CAMSAP2: variants seen among roughly 807,000 people sequenced by gnomAD.
The protein encoded by CAMSAP2 is calmodulin-regulated spectrin-associated protein 2.
In CAMSAP2, 26 loss-of-function variants were observed where a neutral mutation model predicts 146.1. That is an observed-to-expected ratio of 0.18 (90% CI 0.13 to 0.25). The LOEUF (loss-of-function observed/expected upper bound fraction) is 0.25. Among genes scored for constraint, CAMSAP2 ranks in the 10% least tolerant of loss-of-function variants. The pLI is 1.00. For missense variants in CAMSAP2, 1,381 were observed against 1,759.3 expected, an observed-to-expected ratio of 0.78 and a Z score of 3.85; for synonymous variants, 499 against 596.6, an observed-to-expected ratio of 0.84 and a Z score of 2.38.
chr1:200,852,774 A>G, intron 12 of CAMSAP2, 97 bp downstream of exon 12: 1 of 1,221,216 alleles, frequency 8.2e-7, no homozygotes, highest in South Asian at 1.8e-5. Flanking sequence ...GTGGTCTCTC[A>G]TTAATTTTTA....
In CAMSAP2 at chr1:200,832,218, C is replaced by T; in HGVS notation, c.664C>T (p.Gln222Ter). Residue 222 changes from glutamine to a stop codon, truncating the protein, a stop_gained, in exon 5 of 17, where the codon CAA (glutamine) becomes TAA (stop). Transcript: ENST00000358823. LOFTEE classifies it high-confidence loss of function. This position sits in a 1 kb window ranked among gnomAD's most constrained non-coding sequence, Gnocchi z 4.2. Reference sequence around the variant, plus strand: ...ATCGTAGGCTCGTTATCGGAAAGAGCAAACATTGCTTAAGCAACTGCCTTG... The same window carrying T: ...ATCGTAGGCTCGTTATCGGAAAGAGTAAACATTGCTTAAGCAACTGCCTTG... ...GGQKARYRKE[Q>*]TLLKQLPCIP... 6.2e-7 allele frequency: 1 copy of T among 1,610,268 alleles called. No individual in the cohort carries two copies. The highest frequency in any genetic ancestry group is 8.5e-7 in the Non-Finnish European group (1 of 1,178,318).
chr1:200,796,431 T>TGC (rs1403836485), intron 2 of CAMSAP2, among the ~76,000 whole-genome samples: 2 of 152,188 alleles, frequency 1.3e-5, no homozygotes, highest in Admixed American at 1.3e-4. Flanking sequence ...CTTTCACGAT[T>TGC]GCTTTGGCTG....
At chr1:200,760,775 A>G (rs1664777931) in intron 1 of CAMSAP2, 64 bp from the exon 2 acceptor site, 9 of 1,148,776 alleles carry the variant, frequency 7.8e-6, no homozygotes, top group Non-Finnish European at 1.1e-5. Flanking sequence ...AATAATTATT[A>G]ATTAAATTCT....
intron 11 of CAMSAP2, 80 bp downstream of exon 11, chr1:200,850,314 C>T: frequency 3.2e-6 from 4 of 1,255,644 alleles, no homozygotes; most frequent in Middle Eastern, 2.0e-4. Flanking sequence ...TTTCAGTTGA[C>T]ATGCTTGCTT....
rs891427830 is a variant in CAMSAP2 at position 200,840,586 on chromosome 1, C to T, written c.928-1408C>T. Among the ~76,000 whole-genome samples, 7 of 152,260 alleles carry T rather than the reference C, an allele frequency of 4.6e-5. No homozygotes were observed. In the East Asian group the frequency reaches 1.3e-3, roughly 29 times the overall value. On this transcript the variant is annotated intron_variant, in intron 6 of 16. Transcript: ENST00000358823. ...GCCTCTTTTCTTCACTTTCTACATA[C>T]ACGATAGCCTTCCAGAACTATCAGA...
rs1667551055 is a variant in CAMSAP2 at position 200,849,286 on chromosome 1, G to C, written c.2517G>C (p.Glu839Asp). 1 of 1,614,004 alleles carries C rather than the reference G, an allele frequency of 6.2e-7. No homozygotes were observed. Reference sequence around the variant, plus strand: ...GCAAGTCACTGGCAGATATAAAAGAGAGCATGGAGAATCCTCAAGCCAAAT... The same window carrying C: ...GCAAGTCACTGGCAGATATAAAAGACAGCATGGAGAATCCTCAAGCCAAAT... ...QRSKSLADIK[E>D]SMENPQAKWL... Residue 839 changes from glutamate to aspartate, a missense_variant, in exon 11 of 17, where the codon GAG (glutamate) becomes GAC (aspartate). Physicochemically the swap from Glu to Asp is conservative, Grantham distance 45. Coordinates refer to ENST00000358823, the MANE Select transcript of CAMSAP2 (RefSeq NM_203459.4). This position sits in a 1 kb window ranked among gnomAD's most constrained non-coding sequence, Gnocchi z 6.3.
rs774751184 is a variant in CAMSAP2 at position 200,739,810 on chromosome 1, G to A, written c.-18G>A. ...GTGAAGGTTAGGGCCGGGACATCCCGAGGAGCCGCGGTGAAAGATGGGGGA... is the reference window on the plus strand; with the variant it reads ...GTGAAGGTTAGGGCCGGGACATCCCAAGGAGCCGCGGTGAAAGATGGGGGA... On this transcript the variant is annotated 5_prime_UTR_variant, in exon 1 of 17. Transcript: ENST00000358823. This position sits in a 1 kb window ranked among gnomAD's most constrained non-coding sequence, Gnocchi z 4.8. 18 of 1,565,796 alleles carry A rather than the reference G, an allele frequency of 1.1e-5. No individual in the cohort carries two copies. Among genetic ancestry groups the A allele is most frequent in the Non-Finnish European group, 1.5e-5 (17 of 1,150,104 alleles).
chr1:200,807,586 T>A (rs779888403), intron 3 of CAMSAP2, 49 bp downstream of exon 3: 9 of 1,360,766 alleles, frequency 6.6e-6, no homozygotes, highest in Non-Finnish European at 8.8e-6. Context: ...CCAGAAAACG[T>A]GAAATTCTAA....
intron 7 of CAMSAP2, 124 bp downstream of exon 7, chr1:200,842,211 C>G (rs2102236890): frequency 1.5e-6 from 1 of 671,546 alleles, no homozygotes; most frequent in East Asian, 2.7e-5. Context: ...TCAGCTATTA[C>G]ACTTGATAGA....
Position 200,859,668 on chromosome 1 carries a change from G to A in CAMSAP2, c.*1609G>A, listed in dbSNP as rs1025143142. ...AGCTCAAAACTATTTGTGATCTACT[G>A]TTTGCATGTAAGAGACCAGGATATG... On this transcript the variant is annotated 3_prime_UTR_variant, in exon 17 of 17. Coordinates refer to ENST00000358823, the MANE Select transcript of CAMSAP2 (RefSeq NM_203459.4). The A allele has an allele frequency of 6.6e-6, 1 of 152,102 alleles. No individual in the cohort carries two copies. Among genetic ancestry groups the A allele is most frequent in the Admixed American group, 6.6e-5 (1 of 15,264 alleles). 9.4% of individuals were successfully genotyped at this position (152,102 alleles called of 1,614,324 possible). A position where few individuals can be genotyped will look rare whatever the true frequency, so the allele number is the denominator to read the frequency against.
intron 7 of CAMSAP2, 49 bp from the exon 8 acceptor site, chr1:200,844,733 C>A: frequency 9.0e-7 from 1 of 1,112,642 alleles, no homozygotes; most frequent in Non-Finnish European, 1.3e-6. Flanking sequence ...CAGAATTTTT[C>A]ATAGAAATAT....
intron 1 of CAMSAP2, among the ~76,000 whole-genome samples, chr1:200,745,912 CTTTA>C (rs1025689063): frequency 9.9e-5 from 15 of 152,234 alleles, no homozygotes; most frequent in African/African-American, 2.9e-4. Context: ...TGCTAGAGGT[CTTTA>C]TTTATATAGG....
At chr1:200,835,222 A>T (rs1394997714) in intron 6 of CAMSAP2, among the ~76,000 whole-genome samples, 1 of 152,196 alleles carries the variant, frequency 6.6e-6, no homozygotes, top group African/African-American at 2.4e-5. Flanking sequence ...CTAATTTAAG[A>T]CACTGAAGAA....
At chr1:200,742,496 C>A (rs72746845) in intron 1 of CAMSAP2, among the ~76,000 whole-genome samples, 19,557 of 151,962 alleles carry the variant, frequency 0.13, 1,298 homozygotes, top group East Asian at 0.17. Flanking sequence ...TCTTTCAAAA[C>A]AAATTTATAT....
At position 200,832,085 on chromosome 1, in the gene CAMSAP2, G is replaced by T; in HGVS notation, c.646-115G>T. On this transcript the variant is annotated intron_variant, in intron 4 of 16. Transcript: ENST00000358823. The surrounding 1 kb of genome is among the most constrained non-coding windows in gnomAD (Gnocchi z 4.2). Reference sequence around the variant, plus strand: ...AGAAAAAAAGAAATATTGGTGAGTGGTCTCATTTCTCATGATTTATTTTAT... The same window carrying T: ...AGAAAAAAAGAAATATTGGTGAGTGTTCTCATTTCTCATGATTTATTTTAT... 1.3e-6 allele frequency: 1 copy of T among 789,038 alleles called. No individual in the cohort carries two copies. Among genetic ancestry groups the T allele is most frequent in the Non-Finnish European group, 1.9e-6 (1 of 513,958 alleles). The allele number at this position is 789,038 out of a possible 1,614,324, so 48.9% of individuals were successfully genotyped here.
intron 2 of CAMSAP2, among the ~76,000 whole-genome samples, chr1:200,794,416 G>C (rs375615706): frequency 1.3e-5 from 2 of 152,134 alleles, no homozygotes; most frequent in Non-Finnish European, 2.9e-5. Flanking sequence ...GCTGTTTTCT[G>C]TGAAGCCTTG....
At chr1:200,828,751 A>T in intron 4 of CAMSAP2, 1 of 753,904 alleles carries the variant, frequency 1.3e-6, no homozygotes, top group East Asian at 2.8e-5. Context: ...AAATGGAAAG[A>T]TAAAAGATAC....
chr1:200,787,985 AG>A (rs1413122237), intron 2 of CAMSAP2, among the ~76,000 whole-genome samples: 1 of 152,228 alleles, frequency 6.6e-6, no homozygotes, highest in Non-Finnish European at 1.5e-5. Flanking sequence ...TGCACTCAAT[AG>A]ATTACAGTAT....
At chr1:200,842,146 A>G (rs1667339578) in intron 7 of CAMSAP2, 59 bp downstream of exon 7, 5 of 1,256,430 alleles carry the variant, frequency 4.0e-6, no homozygotes, top group South Asian at 3.6e-5. Context: ...GAATGTTGAT[A>G]TAACCTTACC....
Sources: gnomAD v4.1 joint callset for allele counts (sites outside exome capture counted in the v4.1 genomes callset) on GRCh38, gnomAD v4.1.1 for gene constraint, Gnocchi (gnomAD v3.1) non-coding constraint, MANE v1.5 for transcripts, NCBI Gene and HGNC (gene_info 2026-07-23, HGNC 2026-07-21) for gene names.